Variants in OAF observed in about 807,000 individuals in gnomAD.
OAF encodes the protein out at first homolog.
OAF carries 13 observed loss-of-function variants against 22.5 expected under a neutral mutation model. That is an observed-to-expected ratio of 0.58 (90% CI 0.38 to 0.92). OAF has a LOEUF of 0.92. Ranked by LOEUF, OAF falls within the 40% of genes least tolerant of loss-of-function variation. OAF has a pLI of 0.00. For missense variants in OAF, 347 were observed against 381.8 expected, an observed-to-expected ratio of 0.91 and a Z score of 0.76; for synonymous variants, 175 against 170.5, an observed-to-expected ratio of 1.03 and a Z score of -0.21.
intron 1 of OAF, among the ~76,000 whole-genome samples, chr11:120,219,543 CA>C (rs1166704712): frequency 2.0e-5 from 3 of 152,192 alleles, no homozygotes; most frequent in Admixed American, 1.3e-4. Flanking sequence ...GATGTCTGCC[CA>C]GGGGTGCTCT....
chr11:120,227,764 A>G (rs1371282602), intron 3 of OAF, among the ~76,000 whole-genome samples: 1 of 152,066 alleles, frequency 6.6e-6, no homozygotes, highest in Non-Finnish European at 1.5e-5. Flanking sequence ...CAGCCAACTG[A>G]GCACTGGTGA....
At chr11:120,222,280 G>A (rs7932327) in intron 1 of OAF, among the ~76,000 whole-genome samples, 5,877 of 152,252 alleles carry the variant, frequency 0.039, 368 homozygotes, top group African/African-American at 0.13. Context: ...CGAAAGGGCC[G>A]GGCGCAGTGG....
At chr11:120,219,605 C>A (rs115019767) in intron 1 of OAF, among the ~76,000 whole-genome samples, 10 of 152,202 alleles carry the variant, frequency 6.6e-5, no homozygotes, top group Non-Finnish European at 1.0e-4. Context: ...GCAGCCTTCC[C>A]TCTGGAGACA....
At chr11:120,228,553 A>G (rs1192875331) in intron 3 of OAF, among the ~76,000 whole-genome samples, 1 of 152,182 alleles carries the variant, frequency 6.6e-6, no homozygotes, top group East Asian at 1.9e-4. Context: ...TGTTCTCATC[A>G]CTAAAACAGG....
At chr11:120,217,473 G>A (rs2135091435) in intron 1 of OAF, 1 of 152,398 alleles carries the variant, frequency 6.6e-6, no homozygotes, top group East Asian at 1.9e-4. Context: ...CAGCTACTCT[G>A]GAGGCTGAGG....
chr11:120,213,513 C>T lies in OAF; in HGVS notation c.231+2003C>T, dbSNP rs1551242. Among the ~76,000 whole-genome samples the T allele has an allele frequency of 0.045, 6,821 of 152,188 alleles. 1,008 individuals carry two copies. The East Asian group carries it at 0.57, about 13-fold the overall frequency. On this transcript the variant is annotated intron_variant, in intron 1 of 3. Coordinates refer to ENST00000328965, the MANE Select transcript of OAF (RefSeq NM_178507.4). The stretch of plus-strand genomic sequence containing the variant: ...GGAGGGAATTGGGAGTGGAAGACAC[C>T]GAAAGGAAACCAGCTTTCCCAAGTC...
chr11:120,225,899 A>C (rs1591360745), intron 2 of OAF, 104 bp downstream of exon 2: 2 of 968,492 alleles, frequency 2.1e-6, no homozygotes, highest in Non-Finnish European at 3.1e-6. Flanking sequence ...TGCAGACCCG[A>C]CCCCTGCAGC....
intron 1 of OAF, among the ~76,000 whole-genome samples, chr11:120,216,150 G>A (rs1004565749): frequency 1.3e-5 from 2 of 152,168 alleles, no homozygotes; most frequent in African/African-American, 4.8e-5. Flanking sequence ...GGAAGGGATA[G>A]TCCAAAGAAT....
chr11:120,228,242 G>T (rs559248788), intron 3 of OAF, among the ~76,000 whole-genome samples: 1 of 152,214 alleles, frequency 6.6e-6, no homozygotes, highest in East Asian at 1.9e-4. Flanking sequence ...CCGCCACTGT[G>T]CCCAGCTAAT....
At chr11:120,212,246 G>C (rs1311052740) in intron 1 of OAF, among the ~76,000 whole-genome samples, 1 of 3,902 alleles carries the variant, frequency 2.6e-4, no homozygotes, top group Admixed American at 2.8e-3. Context: ...GACCAGCCCG[G>C]TGGGTGGGTG....
intron 1 of OAF, among the ~76,000 whole-genome samples, chr11:120,222,801 A>G (rs1032846750): frequency 6.6e-6 from 1 of 152,098 alleles, no homozygotes; most frequent in South Asian, 2.1e-4. Context: ...AGTCCCAGCT[A>G]CTCAGGAGGC....
At chr11:120,227,035 G>A (rs911140020) in intron 3 of OAF, 39 bp downstream of exon 3, 2 of 1,505,378 alleles carry the variant, frequency 1.3e-6, no homozygotes, top group African/African-American at 2.7e-5. Context: ...GCTGGGCGGA[G>A]GGAAGGGGAC....
chr11:120,227,355 G>A (rs181272570), intron 3 of OAF, among the ~76,000 whole-genome samples: 2 of 152,188 alleles, frequency 1.3e-5, no homozygotes, highest in Admixed American at 6.5e-5. Context: ...ATTATTCAGC[G>A]AGAAGATTCA....
At chr11:120,222,562 A>T (rs1159285274) in intron 1 of OAF, among the ~76,000 whole-genome samples, 1 of 144,072 alleles carries the variant, frequency 6.9e-6, no homozygotes, top group African/African-American at 2.5e-5. Context: ...TCTCCAAAAG[A>T]AAAAAAAAAA....
chr11:120,228,985 T>C lies in OAF; in HGVS notation c.665T>C (p.Leu222Pro). 1.2e-6 allele frequency: 2 copies of C among 1,613,344 alleles called. No homozygotes were observed. The highest frequency in any genetic ancestry group is 1.7e-6 in the Non-Finnish European group (2 of 1,179,982). ...KPCVCRYGLSLAWYPCMLKYC... is the reference protein window; with the variant it reads ...KPCVCRYGLSPAWYPCMLKYC... ...TGCGTCTGCCGCTATGGCCTGAGCC[T>C]GGCCTGGTACCCCTGCATGCTCAAG... Residue 222 changes from leucine (L) to proline (P), a missense_variant, in exon 4 of 4, where the codon CTG (leucine) becomes CCG (proline). Transcript: ENST00000328965.
chr11:120,229,319 G>A lies in OAF; in HGVS notation c.*177G>A, dbSNP rs1938406244. 1.4e-5 allele frequency: 9 copies of A among 639,156 alleles called. No individual in the cohort carries two copies. The South Asian group carries it at 1.6e-4, about 11-fold the overall frequency. The allele number at this position is 639,156 out of a possible 1,614,324, so 39.6% of individuals were successfully genotyped here. On this transcript the variant is annotated 3_prime_UTR_variant, in exon 4 of 4. Transcript: ENST00000328965. ...CTGTGAAGGGGGTGTGGCATGGCAGGGGGTCTCATGAAGGCACCCCCATTC... is the reference window on the plus strand; with the variant it reads ...CTGTGAAGGGGGTGTGGCATGGCAGAGGGTCTCATGAAGGCACCCCCATTC...
rs1311149738 is a variant in OAF, at chr11:120,211,370, G to C, written c.91G>C (p.Glu31Gln). 1.4e-6 allele frequency: 2 copies of C among 1,454,240 alleles called. No individual in the cohort carries two copies. The highest frequency in any genetic ancestry group is 1.8e-6 in the Non-Finnish European group (2 of 1,093,980). 90.1% of individuals were successfully genotyped at this position (1,454,240 alleles called of 1,614,324 possible). The change falls in exon 1 of 4, where the codon GAG (glutamate) becomes CAG (glutamine). Residue 31 changes from glutamate to glutamine, a missense_variant. Coordinates refer to ENST00000328965, the MANE Select transcript of OAF (RefSeq NM_178507.4). ...APLLGTGAPA[E>Q]LRVRVRLPDG... ...GCTGCTGGGAACGGGTGCGCCGGCC[G>C]AGCTGCGGGTCCGCGTGCGGCTGCC...
At chr11:120,215,258 G>A (rs1471209943) in intron 1 of OAF, among the ~76,000 whole-genome samples, 1 of 152,230 alleles carries the variant, frequency 6.6e-6, no homozygotes, top group Non-Finnish European at 1.5e-5. Context: ...GGAGGCTGAG[G>A]CAGGAGAATC....
At chr11:120,213,403 T>C (rs1938175345) in intron 1 of OAF, among the ~76,000 whole-genome samples, 1 of 152,150 alleles carries the variant, frequency 6.6e-6, no homozygotes, top group South Asian at 2.1e-4. Context: ...CACCCAGGTT[T>C]CTAAAGTCTG....
Sources: allele counts gnomAD v4.1 joint callset (sites outside exome capture counted in the v4.1 genomes callset), GRCh38; gene constraint gnomAD v4.1.1; transcripts MANE v1.5; gene names NCBI Gene and HGNC (gene_info 2026-07-23, HGNC 2026-07-21).